Variants in NAALADL2 observed in about 807,000 individuals in gnomAD.
NAALADL2 encodes inactive N-acetylated-alpha-linked acidic dipeptidase-like protein 2.
Under a neutral mutation model 87.2 loss-of-function variants are expected in NAALADL2, and 76 were observed. The observed-to-expected ratio is 0.87, with a 90% confidence interval of 0.72 to 1.05. NAALADL2 has a LOEUF of 1.05. Among genes scored for constraint, NAALADL2 ranks in the 50% least tolerant of loss-of-function variants. The pLI is 0.00. For missense variants in NAALADL2, 1,089 were observed against 945.8 expected, an observed-to-expected ratio of 1.15 and a Z score of -1.99; for synonymous variants, 354 against 331.0, an observed-to-expected ratio of 1.07 and a Z score of -0.75.
rs569935105 is a variant in NAALADL2 at position 175,449,443 on chromosome 3, T to C, written c.1234+2071T>C. On this transcript the variant is annotated intron_variant, in intron 6 of 13. Coordinates refer to ENST00000454872, the MANE Select transcript of NAALADL2 (RefSeq NM_207015.3). ...CAGAGTCTCGCTCTGTCTCCCAGAC[T>C]GCAGTGCAGTGGCACAGTCTCGGCT... 1.7e-3 allele frequency among the ~76,000 whole-genome samples: 239 copies of C among 142,084 alleles called. 1 individual carries two copies. Among genetic ancestry groups the C allele is most frequent in the Middle Eastern group, 7.5e-3 (2 of 266 alleles). 93.2% of individuals were successfully genotyped at this position (142,084 alleles called of 152,430 possible).
At chr3:174,656,969 T>C (rs968296138) in intron 2 of NAALADL2, among the ~76,000 whole-genome samples, 1 of 151,784 alleles carries the variant, frequency 6.6e-6, no homozygotes, top group African/African-American at 2.4e-5. Context: ...ACTTAAGAGA[T>C]AAGGGCTTCC....
intron 1 of NAALADL2, among the ~76,000 whole-genome samples, chr3:174,966,927 A>G (rs191897092): frequency 6.6e-6 from 1 of 152,326 alleles, no homozygotes; most frequent in Admixed American, 6.5e-5. Flanking sequence ...AATAAGTGAC[A>G]TAAAGGTGGA....
intron 13 of NAALADL2, among the ~76,000 whole-genome samples, chr3:175,760,496 A>G (rs554075386): frequency 1.3e-5 from 2 of 152,320 alleles, no homozygotes; most frequent in East Asian, 3.9e-4. Flanking sequence ...GGGAGCCAGC[A>G]AAACAATATC....
chr3:175,183,730 G>A (rs1736937310), intron 2 of NAALADL2, among the ~76,000 whole-genome samples: 1 of 151,956 alleles, frequency 6.6e-6, no homozygotes, highest in Non-Finnish European at 1.5e-5. Context: ...AATTCAGTTT[G>A]TTAGGATTTT....
intron 11 of NAALADL2, among the ~76,000 whole-genome samples, chr3:175,720,801 A>G: frequency 6.6e-6 from 1 of 152,270 alleles, no homozygotes; most frequent in Non-Finnish European, 1.5e-5. Flanking sequence ...TTTGCAACCT[A>G]GAATTCTGTA....
At chr3:174,960,208 C>T (rs1177705673) in intron 1 of NAALADL2, among the ~76,000 whole-genome samples, 1 of 152,042 alleles carries the variant, frequency 6.6e-6, no homozygotes, top group Non-Finnish European at 1.5e-5. Flanking sequence ...CTAAACTATT[C>T]CAGTCATCAT....
chr3:175,564,004 T>C (rs933099816), intron 9 of NAALADL2, among the ~76,000 whole-genome samples: 2 of 152,204 alleles, frequency 1.3e-5, no homozygotes, highest in African/African-American at 4.8e-5. Context: ...GACTTGGACA[T>C]ATTACTGCTG....
At chr3:175,743,338 C>T (rs1301448612) in intron 12 of NAALADL2, among the ~76,000 whole-genome samples, 1 of 152,068 alleles carries the variant, frequency 6.6e-6, no homozygotes, top group African/African-American at 2.4e-5. Context: ...GGGGAGAGGG[C>T]CAGGAGAAGG....
intron 1 of NAALADL2, among the ~76,000 whole-genome samples, chr3:174,898,400 TTAA>T (rs1237084154): frequency 3.3e-5 from 5 of 151,224 alleles, no homozygotes; most frequent in South Asian, 2.1e-4. Flanking sequence ...AATAAATAAA[TTAA>T]TAATAAATAG....
chr3:174,476,125 T>A (rs1235950664), intron 1 of NAALADL2, among the ~76,000 whole-genome samples: 1 of 151,976 alleles, frequency 6.6e-6, no homozygotes, highest in Admixed American at 6.6e-5. Context: ...GAGAATCAAA[T>A]ATTTGTGAGA....
At chr3:174,976,928 T>C (rs7625517) in intron 1 of NAALADL2, among the ~76,000 whole-genome samples, 80,314 of 152,014 alleles carry the variant, frequency 0.53, 21,694 homozygotes, top group Non-Finnish European at 0.59. Flanking sequence ...TGTTTGGAGA[T>C]TTCATCTAGT....
chr3:174,751,217 T>C (rs532895603), intron 3 of NAALADL2, among the ~76,000 whole-genome samples: 1 of 152,090 alleles, frequency 6.6e-6, no homozygotes, highest in Non-Finnish European at 1.5e-5. Context: ...ATATATTATA[T>C]CATATGAAGG....
chr3:174,454,436 A>G (rs1001053995), intron 1 of NAALADL2, among the ~76,000 whole-genome samples: 2 of 152,164 alleles, frequency 1.3e-5, no homozygotes, highest in African/African-American at 4.8e-5. Flanking sequence ...CAGAATATAC[A>G]TTCTTCTCAT....
In NAALADL2 at chr3:174,690,390, A is replaced by G. The variant is rs933988499; in HGVS notation, c.-114-47251A>G. On this transcript the variant is annotated intron_variant, in intron 2 of 3. Transcript: ENST00000434257. ...AGTTTTACGAGTATCATTAATTAAC[A>G]TTTATCTGTCTGGATACATTGTTGT... Among the ~76,000 whole-genome samples the G allele has an allele frequency of 3.3e-5, 5 of 152,156 alleles. No homozygotes were observed. The East Asian group carries it at 9.6e-4, about 29-fold the overall frequency.
At chr3:175,773,304 G>A (rs970578274) in intron 13 of NAALADL2, 4 of 152,062 alleles carry the variant, frequency 2.6e-5, no homozygotes, top group Admixed American at 6.6e-5. Context: ...GTTTGCTGCT[G>A]AAAACTAGAA....
intron 2 of NAALADL2, among the ~76,000 whole-genome samples, chr3:174,645,323 T>G (rs1168980222): frequency 1.3e-5 from 2 of 152,138 alleles, no homozygotes; most frequent in Non-Finnish European, 2.9e-5. Context: ...CTAAAGTAGT[T>G]GGAGGTCAGA....
chr3:174,532,566 T>C (rs944503271), intron 1 of NAALADL2, among the ~76,000 whole-genome samples: 1 of 152,162 alleles, frequency 6.6e-6, no homozygotes. Context: ...AAGAGTACTG[T>C]TCTTGGGTGC....
intron 1 of NAALADL2, among the ~76,000 whole-genome samples, chr3:174,531,240 C>G (rs987552992): frequency 6.6e-6 from 1 of 150,946 alleles, no homozygotes; most frequent in African/African-American, 2.4e-5. Context: ...ATTTTTAGTC[C>G]TTTTAGTCAT....
intron 4 of NAALADL2, among the ~76,000 whole-genome samples, chr3:175,281,925 C>T (rs1409409692): frequency 6.6e-6 from 1 of 151,864 alleles, no homozygotes; most frequent in African/African-American, 2.4e-5. Context: ...CCTATTTAAG[C>T]TGACTTGGAT....
Sources: gnomAD v4.1 joint callset for allele counts (sites outside exome capture counted in the v4.1 genomes callset) on GRCh38, gnomAD v4.1.1 for gene constraint, MANE v1.5 for transcripts, NCBI Gene and HGNC (gene_info 2026-07-23, HGNC 2026-07-21) for gene names.